CACUL1: variants seen among roughly 807,000 people sequenced by gnomAD.
The protein encoded by CACUL1 is CDK2 associated cullin domain 1, also known as CDK2-associated and cullin domain-containing protein 1.
A neutral mutation model predicts 45.2 loss-of-function variants in CACUL1; 13 were observed. The ratio of observed to expected loss-of-function variants is 0.29; its 90% CI spans 0.19 to 0.46. CACUL1 has a LOEUF of 0.46. Ranked by LOEUF, CACUL1 falls within the 20% of genes least tolerant of loss-of-function variation. The pLI, the probability that CACUL1 is intolerant of heterozygous loss-of-function variation, is 1.00. For missense variants in CACUL1, 421 were observed against 471.4 expected, an observed-to-expected ratio of 0.89 and a Z score of 0.99; for synonymous variants, 197 against 174.2, an observed-to-expected ratio of 1.13 and a Z score of -1.03.
At chr10:118,745,574 G>A (rs553197693) in intron 1 of CACUL1, among the ~76,000 whole-genome samples, 3 of 151,792 alleles carry the variant, frequency 2.0e-5, no homozygotes, top group Non-Finnish European at 4.4e-5. Flanking sequence ...AAAAAAAATG[G>A]AGACAGGAAA....
rs1554893676 is a variant in CACUL1 at position 118,685,350 on chromosome 10, C to CGTGACAGACATCG, written c.*777_*778insCGATGTCTGTCAC. 1.3e-5 allele frequency: 2 copies of CGTGACAGACATCG among 152,588 alleles called. No homozygotes were observed. The highest frequency in any genetic ancestry group is 2.9e-5 in the Non-Finnish European group (2 of 68,030). The allele number at this position is 152,588 out of a possible 1,614,324, so 9.5% of individuals were successfully genotyped here. ...GGTCCCCAACATTAATATGAATATG[C>CGTGACAGACATCG]TCTGGTGAACCAGGGGAAAATCCGA... On this transcript the variant is annotated 3_prime_UTR_variant, in exon 9 of 9. Transcript: ENST00000369151.
intron 6 of CACUL1, chr10:118,691,662 T>C (rs1048340192): frequency 1.2e-5 from 4 of 323,154 alleles, no homozygotes; most frequent in Non-Finnish European, 2.3e-5. Flanking sequence ...GGTCAGGAGA[T>C]CGAGACCATC....
At position 118,685,462 on chromosome 10, in the gene CACUL1, A is replaced by G. The variant is rs916862867; in HGVS notation, c.*666T>C. 1 of 150,382 alleles carries G rather than the reference A, an allele frequency of 6.6e-6. No homozygotes were observed. Among genetic ancestry groups the G allele is most frequent in the Non-Finnish European group, 1.5e-5 (1 of 67,142 alleles). The allele number at this position is 150,382 out of a possible 1,614,324, so 9.3% of individuals were successfully genotyped here. ...GCCATCTTGGTGGGTGAGTTTAGAT[A>G]CCATACACTTCTCCAGGAGGAGTTT... On this transcript the variant is annotated 3_prime_UTR_variant, in exon 9 of 9. Coordinates refer to ENST00000369151, the MANE Select transcript of CACUL1 (RefSeq NM_153810.5).
chr10:118,748,652 AT>A (rs1564840482), intron 1 of CACUL1, among the ~76,000 whole-genome samples: 1 of 152,288 alleles, frequency 6.6e-6, no homozygotes, highest in East Asian at 1.9e-4. Context: ...TGGATTTTGA[AT>A]TTTTGGATTT....
At position 118,691,247 on chromosome 10, in the gene CACUL1, G is replaced by GA. The variant is rs772065037; in HGVS notation, c.1025+17dup. 1.1e-3 allele frequency: 1,638 copies of GA among 1,541,120 alleles called. 1 individual carries two copies. The highest frequency in any genetic ancestry group is 9.4e-3 in the Middle Eastern group (55 of 5,850). On this transcript the variant is annotated intron_variant, in intron 7 of 8. Transcript: ENST00000369151. ...AAATGGACATATTTGACCACTAAAG[G>GA]AAAAAAAAACAACTTGCCTTGTAAA...
intron 1 of CACUL1, among the ~76,000 whole-genome samples, chr10:118,740,054 G>A (rs1305371577): frequency 6.6e-6 from 1 of 152,148 alleles, no homozygotes. Context: ...GACTGAGGTG[G>A]GAGGATCGCT....
intron 3 of CACUL1, among the ~76,000 whole-genome samples, chr10:118,711,185 T>C (rs1385554499): frequency 6.6e-6 from 1 of 152,206 alleles, no homozygotes. Flanking sequence ...GTTCAAGGGA[T>C]TGCTCTGTCT....
At chr10:118,732,409 G>A (rs957040322) in intron 1 of CACUL1, among the ~76,000 whole-genome samples, 6 of 152,150 alleles carry the variant, frequency 3.9e-5, no homozygotes, top group Admixed American at 1.3e-4. Context: ...GCTGTCCAGC[G>A]GGCATAGCAG....
chr10:118,686,510 CA>C, intron 8 of CACUL1, 87 bp downstream of exon 8: 2 of 1,045,052 alleles, frequency 1.9e-6, no homozygotes, highest in Non-Finnish European at 3.0e-6. Flanking sequence ...TGGGTATCAT[CA>C]AATTCAATGC....
In CACUL1 at chr10:118,714,131, C is replaced by T. The variant is rs139799145; in HGVS notation, c.598-6544G>A. Among the ~76,000 whole-genome samples the T allele has an allele frequency of 4.0e-3, 613 of 152,312 alleles. 7 individuals carry two copies. Among genetic ancestry groups the T allele is most frequent in the African/African-American group, 0.014 (593 of 41,554 alleles). ...CTTTAGAGCCTAGCTTAATAGAAGA[C>T]AGCTGGATTCTCATATCTGCTTCTG... On this transcript the variant is annotated intron_variant, in intron 3 of 8. Coordinates refer to ENST00000369151, the MANE Select transcript of CACUL1 (RefSeq NM_153810.5).
chr10:118,694,321 A>C (rs1845299947), intron 6 of CACUL1, among the ~76,000 whole-genome samples: 1 of 152,250 alleles, frequency 6.6e-6, no homozygotes, highest in Non-Finnish European at 1.5e-5. Context: ...ACAGCAGTGA[A>C]TGTTTGCATG....
intron 3 of CACUL1, among the ~76,000 whole-genome samples, chr10:118,719,587 A>C (rs1845581720): frequency 6.6e-6 from 1 of 152,172 alleles, no homozygotes; most frequent in South Asian, 2.1e-4. Flanking sequence ...CAAGGCGGGC[A>C]GATTACCTGA....
chr10:118,753,258 T>C (rs1845915190), intron 1 of CACUL1, among the ~76,000 whole-genome samples: 1 of 152,272 alleles, frequency 6.6e-6, no homozygotes, highest in African/African-American at 2.4e-5. Context: ...CATATCAATG[T>C]CTTTGACTAA....
At chr10:118,718,181 G>C (rs938836561) in intron 3 of CACUL1, among the ~76,000 whole-genome samples, 26 of 152,160 alleles carry the variant, frequency 1.7e-4, no homozygotes, top group African/African-American at 2.4e-5. Context: ...CCATTTTCAG[G>C]ATGGTAGAAA....
chr10:118,697,105 T>TA (rs1845330867), intron 5 of CACUL1, among the ~76,000 whole-genome samples: 3 of 152,260 alleles, frequency 2.0e-5, no homozygotes, highest in Admixed American at 2.0e-4. Flanking sequence ...ATTTTCTAGT[T>TA]AATCTCCCCT....
chr10:118,703,170 T>C (rs1425586881), intron 4 of CACUL1, among the ~76,000 whole-genome samples: 1 of 152,138 alleles, frequency 6.6e-6, no homozygotes, highest in Non-Finnish European at 1.5e-5. Flanking sequence ...ACAGAAAGCA[T>C]GCAAAAGAGT....
chr10:118,732,832 GTA>G, intron 1 of CACUL1, among the ~76,000 whole-genome samples: 1 of 152,110 alleles, frequency 6.6e-6, no homozygotes, highest in Non-Finnish European at 1.5e-5. Context: ...TATGACCTTT[GTA>G]TTTATGTAAT....
chr10:118,702,713 C>G (rs1845394773), intron 4 of CACUL1, among the ~76,000 whole-genome samples: 1 of 151,772 alleles, frequency 6.6e-6, no homozygotes, highest in Admixed American at 6.6e-5. Context: ...TCCCGAGTAG[C>G]TTGGATTACA....
rs1845190606 is a variant in CACUL1 at position 118,685,051 on chromosome 10, C to T, written c.*1077G>A. ...GCAGTGCTACTTCTTCCCTATCACACTCAAATATAATGTTCAAATGACAGA... is the reference window on the plus strand; with the variant it reads ...GCAGTGCTACTTCTTCCCTATCACATTCAAATATAATGTTCAAATGACAGA... On this transcript the variant is annotated 3_prime_UTR_variant, in exon 9 of 9. Coordinates refer to ENST00000369151, the MANE Select transcript of CACUL1 (RefSeq NM_153810.5). 1 of 152,192 alleles carries T rather than the reference C, an allele frequency of 6.6e-6. No homozygotes were observed. The highest frequency in any genetic ancestry group is 6.5e-5 in the Admixed American group (1 of 15,288). 9.4% of individuals were successfully genotyped at this position (152,192 alleles called of 1,614,324 possible).
Sources: gnomAD v4.1 joint callset for allele counts (sites outside exome capture counted in the v4.1 genomes callset) on GRCh38, gnomAD v4.1.1 for gene constraint, MANE v1.5 for transcripts, NCBI Gene and HGNC (gene_info 2026-07-23, HGNC 2026-07-21) for gene names.